ZBTB11: variants seen among roughly 807,000 people sequenced by gnomAD.
ZBTB11 encodes the protein zinc finger and BTB domain containing 11.
A neutral mutation model predicts 113.1 loss-of-function variants in ZBTB11; 68 were observed. The ratio of observed to expected loss-of-function variants is 0.60; its 90% confidence interval spans 0.49 to 0.74. The LOEUF (loss-of-function observed/expected upper bound fraction) is 0.74, where lower values mean the gene tolerates loss of function less well. Among genes scored for constraint, ZBTB11 ranks in the 30% least tolerant of loss-of-function variants. The probability of loss-of-function intolerance (pLI) is 0.00; values close to 1 mark genes in which losing one functional copy is unlikely to be tolerated. For synonymous variants in ZBTB11, 518 were observed against 452.6 expected, an observed-to-expected ratio of 1.14 and a Z score of -1.83; for missense variants, 1,104 against 1,279.4, an observed-to-expected ratio of 0.86 and a Z score of 2.09.
chr3:101,667,723 G>C (rs974198119), intron 3 of ZBTB11, among the ~76,000 whole-genome samples: 1 of 152,020 alleles, frequency 6.6e-6, no homozygotes, highest in African/African-American at 2.4e-5. Context: ...GTGCAATGGC[G>C]TGATCTTGGC....
chr3:101,665,683 C>G lies in ZBTB11; in HGVS notation c.904G>C (p.Glu302Gln). 1 of 1,614,164 alleles carries G rather than the reference C, an allele frequency of 6.2e-7. No individual in the cohort carries two copies. Among genetic ancestry groups the G allele is most frequent in the Non-Finnish European group, 8.5e-7 (1 of 1,180,022 alleles). The part of the protein sequence containing the change: ...ARHLFMSEVL[E>Q]ICESVHKLME... ...AGCTTATGTACACTTTCACAAATCT[C>G]TAAGACTTCTGACATGAAAAGATGA... The change falls in exon 4 of 11, where the codon GAG becomes CAG. Residue 302 changes from glutamate (E) to glutamine (Q), a missense_variant. Physicochemically the swap from Glu to Gln is conservative, Grantham distance 29. This residue lies in a region of ZBTB11 where 86 missense variants were observed against 131.0 expected (regional missense o/e 0.66). Coordinates refer to ENST00000312938, the MANE Select transcript of ZBTB11 (RefSeq NM_014415.4).
At chr3:101,662,885 C>CA (rs1231545742) in intron 5 of ZBTB11, among the ~76,000 whole-genome samples, 1 of 151,958 alleles carries the variant, frequency 6.6e-6, no homozygotes, top group Non-Finnish European at 1.5e-5. Context: ...CCTTAGCCCC[C>CA]AACAAATAGC....
Position 101,649,369 on chromosome 3 carries a change from ATTAAC to A in ZBTB11, c.*1792_*1796del, listed in dbSNP as rs1467971016. ...TTATTTCCTTTCCCTTTAAAAATAA[ATTAAC>A]TTAATAACACATCAAGTAACAACTG... On this transcript the variant is annotated 3_prime_UTR_variant, in exon 11 of 11. Transcript: ENST00000312938. 6 of 152,358 alleles carry A rather than the reference ATTAAC, an allele frequency of 3.9e-5. No homozygotes were observed. The highest frequency in any genetic ancestry group is 7.3e-5 in the Non-Finnish European group (5 of 68,034). The allele number at this position is 152,358 out of a possible 1,614,324, so 9.4% of individuals were successfully genotyped here.
rs983382911 is a variant in ZBTB11 at position 101,651,186 on chromosome 3, G to A, written c.3142C>T (p.His1048Tyr). 6.3e-7 allele frequency: 1 copy of A among 1,596,198 alleles called. No individual in the cohort carries two copies. The highest frequency in any genetic ancestry group is 1.3e-5 in the African/African-American group (1 of 74,250). Residue 1048 changes from histidine (H) to tyrosine (Y), a missense_variant, in exon 11 of 11, where the codon CAT becomes TAT. Coordinates refer to ENST00000312938, the MANE Select transcript of ZBTB11 (RefSeq NM_014415.4). ...CATACTCATTCTCCTCCTGAAATAT[G>A]TGCTACCTCTACTTTAACAGTTTGA... ...AIQTVKVEVA[H>Y]ISGGE is the part of the protein sequence containing the mutation.
rs148214895 is a variant in ZBTB11, at chr3:101,671,056, G to A, written c.778+74C>T. 1.3e-4 allele frequency: 168 copies of A among 1,263,162 alleles called. No homozygotes were observed. In the African/African-American group the frequency reaches 2.2e-3, roughly 17 times the overall value. The allele number at this position is 1,263,162 out of a possible 1,614,324, so 78.2% of individuals were successfully genotyped here. A position where few individuals can be genotyped will look rare whatever the true frequency, so the allele number is the denominator to read the frequency against. On this transcript the variant is annotated intron_variant, in intron 3 of 10. Coordinates refer to ENST00000312938, the MANE Select transcript of ZBTB11 (RefSeq NM_014415.4). The stretch of plus-strand genomic sequence containing the variant: ...TCTTACTTTGGCATAAAGTCCGTGT[G>A]TGGAAGACATACATATCCCCCTCTT...
intron 10 of ZBTB11, 103 bp downstream of exon 10, chr3:101,652,393 A>C (rs2108314723): frequency 8.5e-7 from 1 of 1,176,098 alleles, no homozygotes; most frequent in East Asian, 2.5e-5. Flanking sequence ...AAAGATATGA[A>C]ATTAACCTTT....
rs1391974744 is a variant in ZBTB11 at position 101,676,551 on chromosome 3, C to T, written c.310+54G>A. The T allele has an allele frequency of 2.8e-6, 4 of 1,435,672 alleles. No homozygotes were observed. The East Asian group carries it at 8.0e-5, about 29-fold the overall frequency. The allele number at this position is 1,435,672 out of a possible 1,614,324, so 88.9% of individuals were successfully genotyped here. ...GTACGCATAGGCCTCGCCAGCGAGCCTTGCCCAGGCAACGAGTCGCCAGCC... is the reference window on the plus strand; with the variant it reads ...GTACGCATAGGCCTCGCCAGCGAGCTTTGCCCAGGCAACGAGTCGCCAGCC... On this transcript the variant is annotated intron_variant, in intron 1 of 10. Transcript: ENST00000312938.
chr3:101,674,605 C>T (rs1008008975), intron 1 of ZBTB11, among the ~76,000 whole-genome samples: 1 of 151,364 alleles, frequency 6.6e-6, no homozygotes, highest in African/African-American at 2.4e-5. Context: ...GAGACTGAGG[C>T]ACCAGAATCG....
intron 5 of ZBTB11, 55 bp from the exon 6 acceptor site, chr3:101,660,083 G>C (rs2288273): frequency 6.5e-7 from 1 of 1,545,712 alleles, no homozygotes; most frequent in Non-Finnish European, 8.8e-7. Context: ...AATGTTAACT[G>C]AAACTCAACT....
chr3:101,655,491 T>A (rs1936779908), intron 7 of ZBTB11, among the ~76,000 whole-genome samples: 1 of 152,226 alleles, frequency 6.6e-6, no homozygotes, highest in African/African-American at 2.4e-5. Context: ...AGCCAACTAC[T>A]ATGTTGACAT....
intron 2 of ZBTB11, chr3:101,671,728 T>A: frequency 1.7e-6 from 1 of 596,956 alleles, no homozygotes; most frequent in Non-Finnish European, 3.0e-6. Context: ...TGTACCAATA[T>A]ATCATCACAA....
chr3:101,669,973 C>T (rs1937062078), intron 3 of ZBTB11, among the ~76,000 whole-genome samples: 1 of 152,122 alleles, frequency 6.6e-6, no homozygotes, highest in Non-Finnish European at 1.5e-5. Context: ...GGATTACAGG[C>T]ATGCGCCACC....
At chr3:101,673,323 C>A (rs1937111538) in intron 1 of ZBTB11, among the ~76,000 whole-genome samples, 1 of 152,054 alleles carries the variant, frequency 6.6e-6, no homozygotes, top group South Asian at 2.1e-4. Context: ...AGCTAGGCCT[C>A]CAGAAGTCAT....
Position 101,651,123 on chromosome 3 carries a change from A to C in ZBTB11, c.*43T>G, listed in dbSNP as rs1286613965. The C allele has an allele frequency of 6.6e-7, 1 of 1,508,958 alleles. No homozygotes were observed. The highest frequency in any genetic ancestry group is 8.8e-7 in the Non-Finnish European group (1 of 1,131,362). 93.5% of individuals were successfully genotyped at this position (1,508,958 alleles called of 1,614,324 possible). ...TTGTAAACAAATGTTCTGTGAGTTCAGTGTACAAGAGATGTCACTTCTTTT... is the reference window on the plus strand; with the variant it reads ...TTGTAAACAAATGTTCTGTGAGTTCCGTGTACAAGAGATGTCACTTCTTTT... On this transcript the variant is annotated 3_prime_UTR_variant, in exon 11 of 11. Transcript: ENST00000312938.
At chr3:101,676,072 T>C (rs967988450) in intron 1 of ZBTB11, among the ~76,000 whole-genome samples, 1 of 152,376 alleles carries the variant, frequency 6.6e-6, no homozygotes, top group Middle Eastern at 3.4e-3. Context: ...TTATTCCTTA[T>C]TTACGCAGCA....
At chr3:101,653,048 C>T (rs1216628947) in intron 8 of ZBTB11, 110 bp from the exon 9 acceptor site, 4 of 1,189,008 alleles carry the variant, frequency 3.4e-6, no homozygotes, top group Non-Finnish European at 4.6e-6. Flanking sequence ...ATGATCTCAA[C>T]TTAAAAGAAT....
chr3:101,672,061 C>A lies in ZBTB11; in HGVS notation c.463G>T (p.Asp155Tyr). Residue 155 changes from aspartate to tyrosine, a missense_variant, in exon 2 of 11, where the codon GAC becomes TAC. Physicochemically the swap from Asp to Tyr is radical, Grantham distance 160 (BLOSUM62 -3). Around this residue, in one of 5 missense-constraint regions of ZBTB11, gnomAD observed 245 missense variants for 272.5 expected, o/e 0.90. Transcript: ENST00000312938. ...SGEESNESED[D>Y]LSNFTSSPTT... ...GGAGATGAAGTAAAGTTGCTCAGGT[C>A]ATCTTCCGATTCATTACTTTCTTCT... The A allele has an allele frequency of 6.2e-7, 1 of 1,614,166 alleles. No individual in the cohort carries two copies. The highest frequency in any genetic ancestry group is 1.1e-5 in the South Asian group (1 of 91,064).
chr3:101,655,037 C>G (rs149444345), intron 7 of ZBTB11, among the ~76,000 whole-genome samples: 62 of 152,208 alleles, frequency 4.1e-4, no homozygotes, highest in Non-Finnish European at 7.1e-4. Context: ...GCCACCACAC[C>G]CAGCTAATTT....
intron 3 of ZBTB11, among the ~76,000 whole-genome samples, chr3:101,668,598 G>C (rs1339174983): frequency 2.7e-5 from 4 of 150,676 alleles, no homozygotes; most frequent in Admixed American, 6.6e-5. Context: ...CTCTAGCCTA[G>C]GGTGACAGAA....
Sources: allele counts gnomAD v4.1 joint callset (sites outside exome capture counted in the v4.1 genomes callset), GRCh38; gene constraint gnomAD v4.1.1; regional missense constraint gnomAD v4.1.1; transcripts MANE v1.5; gene names NCBI Gene and HGNC (gene_info 2026-07-23, HGNC 2026-07-21).